AEBP2: variants seen among roughly 807,000 people sequenced by gnomAD.
AEBP2 encodes AE binding protein 2, also known as zinc finger protein AEBP2.
In AEBP2, 10 loss-of-function variants were observed where a neutral mutation model predicts 50.8. The observed-to-expected ratio is 0.20, with a 90% CI of 0.12 to 0.33. The LOEUF (loss-of-function observed/expected upper bound fraction) is 0.33, where lower values mean the gene tolerates loss of function less well. AEBP2 is among the 10% of genes least tolerant of loss of function. AEBP2 has a pLI of 1.00. For synonymous variants in AEBP2, 296 were observed against 261.3 expected (o/e 1.13, Z -1.28); for missense variants, 570 against 688.0 (o/e 0.83, Z 1.92).
At chr12:19,423,863 A>T (rs1230204695) in intron 1 of AEBP2, among the ~76,000 whole-genome samples, 1 of 152,206 alleles carries the variant, frequency 6.6e-6, no homozygotes, top group African/African-American at 2.4e-5. Context: ...ATAAATGAAT[A>T]AATAAAAAAT....
intron 3 of AEBP2, among the ~76,000 whole-genome samples, chr12:19,489,171 GC>G (rs1165542899): frequency 6.6e-6 from 1 of 152,176 alleles, no homozygotes; most frequent in African/African-American, 2.4e-5. Context: ...TTTTCACACT[GC>G]TATAAAGATA....
chr12:19,454,182 C>T (rs572135922), intron 1 of AEBP2, among the ~76,000 whole-genome samples: 2 of 152,240 alleles, frequency 1.3e-5, no homozygotes, highest in South Asian at 2.1e-4. Context: ...TGAGCAACTG[C>T]GCTGACCACA....
intron 5 of AEBP2, among the ~76,000 whole-genome samples, chr12:19,501,343 A>G (rs1038901446): frequency 5.3e-5 from 8 of 152,082 alleles, no homozygotes; most frequent in African/African-American, 1.9e-4. Flanking sequence ...AAAAAAAAAA[A>G]AAAAAATACA....
At chr12:19,501,797 G>GTTTTTTGTTTTTTTTTT (rs1555187205) in intron 5 of AEBP2, among the ~76,000 whole-genome samples, 11 of 70,866 alleles carry the variant, frequency 1.6e-4, no homozygotes, top group Non-Finnish European at 2.7e-4. Flanking sequence ...AAATGAGTTT[G>GTTTTTTGTTTTTTTTTT]TTTTTTTTTT....
At chr12:19,462,457 A>G in intron 1 of AEBP2, 53 bp from the exon 2 acceptor site, 1 of 1,406,388 alleles carries the variant, frequency 7.1e-7, no homozygotes, top group East Asian at 2.5e-5. Flanking sequence ...ATAAGATCAT[A>G]TTCATGTTAG....
At chr12:19,514,875 TG>T in intron 7 of AEBP2, 91 bp downstream of exon 7, 1 of 886,830 alleles carries the variant, frequency 1.1e-6, no homozygotes, top group Non-Finnish European at 1.8e-6. Context: ...TTTTAAGTGC[TG>T]AATTTTAATA....
At chr12:19,499,953 T>G (rs1267778325) in intron 4 of AEBP2, 144 bp from the exon 5 acceptor site, 3 of 806,370 alleles carry the variant, frequency 3.7e-6, no homozygotes, top group Non-Finnish European at 5.8e-6. Context: ...AGTCTTCTTA[T>G]CTAGAGTCCA....
At chr12:19,414,049 G>A (rs1428232890) in intron 1 of AEBP2, among the ~76,000 whole-genome samples, 1 of 151,728 alleles carries the variant, frequency 6.6e-6, no homozygotes, top group African/African-American at 2.4e-5. Flanking sequence ...GCCTGCCATC[G>A]TGCCTGGCTA....
intron 7 of AEBP2, among the ~76,000 whole-genome samples, chr12:19,515,295 A>G (rs1949302428): frequency 1.3e-5 from 2 of 152,154 alleles, no homozygotes; most frequent in Admixed American, 1.3e-4. Flanking sequence ...TTATGAAGGT[A>G]TGTGGGGGAA....
chr12:19,503,720 T>G (rs1949116127), intron 5 of AEBP2, among the ~76,000 whole-genome samples: 1 of 152,004 alleles, frequency 6.6e-6, no homozygotes, highest in Non-Finnish European at 1.5e-5. Context: ...GACAGGATCT[T>G]GCTGTGTTGC....
Position 19,521,008 on chromosome 12 carries a change from T to C in AEBP2, c.*2891T>C, listed in dbSNP as rs1949389225. ...GTGTTTGTGAGATATAAATGAACTT[T>C]ATGTTTAGTCTTGGATCGCATTTCT... On this transcript the variant is annotated 3_prime_UTR_variant, in exon 8 of 8. Transcript: ENST00000266508. 2 of 152,212 alleles carry C rather than the reference T, an allele frequency of 1.3e-5. No homozygotes were observed. The highest frequency in any genetic ancestry group is 2.9e-5 in the Non-Finnish European group (2 of 68,028). 9.4% of individuals were successfully genotyped at this position (152,212 alleles called of 1,614,324 possible). A position where few individuals can be genotyped will look rare whatever the true frequency, so the allele number is the denominator to read the frequency against.
chr12:19,442,973 T>A (rs1161865962), intron 1 of AEBP2, among the ~76,000 whole-genome samples: 1 of 152,242 alleles, frequency 6.6e-6, no homozygotes, highest in Non-Finnish European at 1.5e-5. Flanking sequence ...ATAACATTTT[T>A]AGGCATTCCT....
In AEBP2 at chr12:19,440,326, G is replaced by A. The variant is rs762346825; in HGVS notation, c.627G>A (p.Met209Ile). 2 of 1,466,050 alleles carry A rather than the reference G, an allele frequency of 1.4e-6. No individual in the cohort carries two copies. Among genetic ancestry groups the A allele is most frequent in the Non-Finnish European group, 9.0e-7 (1 of 1,116,916 alleles). The allele number at this position is 1,466,050 out of a possible 1,614,324, so 90.8% of individuals were successfully genotyped here. The change falls in exon 1 of 8, where the codon ATG (methionine) becomes ATA (isoleucine). Residue 209 changes from methionine (M) to isoleucine (I), a missense_variant. This residue lies in a region of AEBP2 where 386 missense variants were observed against 336.8 expected (regional missense o/e 1.15). Transcript: ENST00000266508. ...TSGGRRGSLE[M>I]SSDGEPLSRM... ...GGGGCCGGCGGGGCAGCTTGGAGAT[G>A]TCGTCGGATGGGGAACCCCTGAGCC...
intron 3 of AEBP2, among the ~76,000 whole-genome samples, chr12:19,490,579 C>T (rs1332289104): frequency 6.6e-6 from 1 of 152,004 alleles, no homozygotes; most frequent in East Asian, 1.9e-4. Context: ...CTCACTTCTG[C>T]CCAGGCTGGA....
At chr12:19,481,275 A>G (rs1247280816) in intron 3 of AEBP2, among the ~76,000 whole-genome samples, 1 of 148,534 alleles carries the variant, frequency 6.7e-6, no homozygotes, top group Admixed American at 6.7e-5. Context: ...TAAGTTTTGT[A>G]TTTTTTTAGT....
chr12:19,468,572 G>A (rs1948522372), intron 2 of AEBP2, among the ~76,000 whole-genome samples: 1 of 151,932 alleles, frequency 6.6e-6, no homozygotes, highest in Non-Finnish European at 1.5e-5. Flanking sequence ...TGTTCTTCAG[G>A]TGCATAGATG....
intron 2 of AEBP2, among the ~76,000 whole-genome samples, chr12:19,471,666 C>T (rs77762758): frequency 0.043 from 6,546 of 151,754 alleles, 324 homozygotes; most frequent in Admixed American, 0.14. Context: ...GCTGGGACTA[C>T]GAGTGCATAT....
intron 5 of AEBP2, among the ~76,000 whole-genome samples, chr12:19,512,038 T>G (rs955533240): frequency 4.6e-5 from 7 of 152,020 alleles, no homozygotes; most frequent in Non-Finnish European, 8.8e-5. Flanking sequence ...GAAAGTTTTT[T>G]TTTTTCTCTG....
upstream of AEBP2, among the ~76,000 whole-genome samples, chr12:19,439,431 G>C (rs961054929): frequency 1.1e-4 from 16 of 150,736 alleles, no homozygotes; most frequent in Non-Finnish European, 2.2e-4. Context: ...GGGCGGGGGC[G>C]GGGGCGCAGA....
Sources: allele counts gnomAD v4.1 joint callset (sites outside exome capture counted in the v4.1 genomes callset), GRCh38; gene constraint gnomAD v4.1.1; regional missense constraint gnomAD v4.1.1; transcripts MANE v1.5; gene names NCBI Gene and HGNC (gene_info 2026-07-23, HGNC 2026-07-21).